The following SLC2A9 variants were observed in gnomAD, a reference collection of about 807,000 sequenced individuals.
The protein encoded by SLC2A9 is solute carrier family 2, facilitated glucose transporter member 9.
Under a neutral mutation model 50.6 loss-of-function variants are expected in SLC2A9, and 39 were observed. The observed-to-expected ratio is 0.77, with a 90% CI of 0.60 to 1.01. The LOEUF (loss-of-function observed/expected upper bound fraction) is 1.01, where lower values mean the gene tolerates loss of function less well. SLC2A9 is among the 50% of genes least tolerant of loss of function. SLC2A9 has a pLI of 0.00. For missense variants in SLC2A9, 686 were observed against 677.6 expected, an observed-to-expected ratio of 1.01 and a Z score of -0.14; for synonymous variants, 324 against 276.9, an observed-to-expected ratio of 1.17 and a Z score of -1.69.
chr4:10,016,356 G>A (rs114664540), intron 2 of SLC2A9, among the ~76,000 whole-genome samples: 81 of 152,250 alleles, frequency 5.3e-4, no homozygotes, highest in African/African-American at 1.3e-3. Context: ...CCTCAGTTTC[G>A]TCATCTGTAA....
intron 10 of SLC2A9, among the ~76,000 whole-genome samples, chr4:9,881,337 T>C (rs1735173726): frequency 6.6e-6 from 1 of 152,210 alleles, no homozygotes; most frequent in Non-Finnish European, 1.5e-5. Flanking sequence ...CCCAGGTGAC[T>C]GAGCAATGTT....
intron 5 of SLC2A9, among the ~76,000 whole-genome samples, chr4:9,960,497 T>C (rs142137530): frequency 1.6e-3 from 238 of 152,020 alleles, no homozygotes; most frequent in African/African-American, 5.2e-3. Context: ...ACAGTGAAGG[T>C]GAAGTCAGAG....
intron 3 of SLC2A9, among the ~76,000 whole-genome samples, chr4:9,806,323 C>A (rs1722108971): frequency 6.6e-6 from 1 of 152,268 alleles, no homozygotes; most frequent in African/African-American, 2.4e-5. Context: ...CAAACAACAG[C>A]ATGAGCGATC....
chr4:9,943,045 G>A (rs1463307971), intron 5 of SLC2A9, among the ~76,000 whole-genome samples: 1 of 152,200 alleles, frequency 6.6e-6, no homozygotes, highest in Non-Finnish European at 1.5e-5. Context: ...GGATCCTGGG[G>A]CACCAGAACT....
chr4:9,980,780 C>G, intron 4 of SLC2A9, 43 bp from the exon 5 acceptor site: 1 of 1,613,726 alleles, frequency 6.2e-7, no homozygotes, highest in South Asian at 1.1e-5. Flanking sequence ...GGTGTCTTCC[C>G]GGGGGAGCTG....
chr4:9,902,783 C>T (rs1299759424), intron 8 of SLC2A9, among the ~76,000 whole-genome samples: 3 of 152,182 alleles, frequency 2.0e-5, no homozygotes, highest in East Asian at 3.8e-4. Context: ...CCAGTATAAC[C>T]GTATCTTACC....
At chr4:9,784,940 G>C (rs78999340) in intron 3 of SLC2A9, among the ~76,000 whole-genome samples, 3 of 152,180 alleles carry the variant, frequency 2.0e-5, no homozygotes, top group Non-Finnish European at 4.4e-5. Context: ...GGCACATAGT[G>C]CTTAATAAAT....
intron 10 of SLC2A9, among the ~76,000 whole-genome samples, chr4:9,856,702 T>C (rs149116535): frequency 2.0e-5 from 3 of 152,154 alleles, no homozygotes; most frequent in African/African-American, 4.8e-5. Flanking sequence ...AGCAAAGACA[T>C]AGAGTCAACA....
At chr4:9,874,374 A>G (rs1733941061) in intron 10 of SLC2A9, among the ~76,000 whole-genome samples, 1 of 152,176 alleles carries the variant, frequency 6.6e-6, no homozygotes, top group African/African-American at 2.4e-5. Flanking sequence ...GCCCTCTCTG[A>G]TGGCAGCAGC....
intron 3 of SLC2A9, among the ~76,000 whole-genome samples, chr4:9,816,703 C>T (rs1457162497): frequency 6.6e-6 from 1 of 151,856 alleles, no homozygotes; most frequent in African/African-American, 2.4e-5. Context: ...AATGTCTAGC[C>T]CTTGTGACTC....
chr4:9,836,028 A>C (rs1379707774), intron 10 of SLC2A9, among the ~76,000 whole-genome samples: 3 of 141,666 alleles, frequency 2.1e-5, no homozygotes, highest in Non-Finnish European at 1.5e-5. Context: ...TGGAGGTTGC[A>C]GTGAGCCGAG....
At chr4:9,990,849 G>C (rs544017633) in intron 3 of SLC2A9, among the ~76,000 whole-genome samples, 1 of 152,140 alleles carries the variant, frequency 6.6e-6, no homozygotes, top group Non-Finnish European at 1.5e-5. Context: ...ACTATGCTTA[G>C]AAGACTAGTC....
At chr4:9,923,271 G>T (rs1396432021) in intron 6 of SLC2A9, among the ~76,000 whole-genome samples, 2 of 152,290 alleles carry the variant, frequency 1.3e-5, no homozygotes, top group Middle Eastern at 3.4e-3. Flanking sequence ...ATGTGCTTTG[G>T]TCAAGGAATA....
chr4:9,860,564 G>A (rs1366757783), intron 10 of SLC2A9, among the ~76,000 whole-genome samples: 1 of 152,252 alleles, frequency 6.6e-6, no homozygotes, highest in South Asian at 2.1e-4. Context: ...GACTGACTTT[G>A]AACTTGGCTT....
chr4:10,031,552 A>C (rs1388745430), intron 1 of SLC2A9, among the ~76,000 whole-genome samples: 1 of 152,214 alleles, frequency 6.6e-6, no homozygotes. Context: ...TGAGTCTTTG[A>C]CGGCTTCCAA....
intron 3 of SLC2A9, among the ~76,000 whole-genome samples, chr4:9,787,894 T>A (rs1175848648): frequency 1.3e-5 from 2 of 152,216 alleles, no homozygotes; most frequent in African/African-American, 2.4e-5. Flanking sequence ...CAATGTTAAC[T>A]TTGCTCATGA....
intron 6 of SLC2A9, among the ~76,000 whole-genome samples, chr4:9,939,211 T>G (rs1352490469): frequency 6.6e-6 from 1 of 152,128 alleles, no homozygotes; most frequent in Admixed American, 6.5e-5. Context: ...CCAACCTAGG[T>G]CAGCCAGGTG....
At position 9,951,341 on chromosome 4, in the gene SLC2A9, G is replaced by A. The variant is rs148063013; in HGVS notation, c.682-9296C>T. On this transcript the variant is annotated intron_variant, in intron 5 of 11. Transcript: ENST00000264784. ...AAAGATAGATAACAGAGACAGAGAA[G>A]GGTGGTGGGGTGAGATAAAGAGAAG... Among the ~76,000 whole-genome samples, 390 of 152,256 alleles carry A rather than the reference G, an allele frequency of 2.6e-3. 6 individuals carry two copies. Among genetic ancestry groups the A allele is most frequent in the African/African-American group, 9.2e-3 (381 of 41,544 alleles).
intron 7 of SLC2A9, among the ~76,000 whole-genome samples, chr4:9,912,384 G>C (rs375846439): frequency 1.2e-4 from 18 of 152,106 alleles, no homozygotes; most frequent in Admixed American, 3.9e-4. Context: ...CCTCCTTCTT[G>C]TGGGATGGGG....
Sources: gnomAD v4.1 joint callset for allele counts (sites outside exome capture counted in the v4.1 genomes callset) on GRCh38, gnomAD v4.1.1 for gene constraint, MANE v1.5 for transcripts, NCBI Gene and HGNC (gene_info 2026-07-23, HGNC 2026-07-21) for gene names.